The following ABL2 variants were observed in gnomAD, a reference collection of about 807,000 sequenced individuals.
The protein encoded by ABL2 is tyrosine-protein kinase ABL2.
In ABL2, 49 loss-of-function variants were observed where a neutral mutation model predicts 107.7. The observed-to-expected ratio is 0.45, with a 90% CI of 0.36 to 0.58. The LOEUF is 0.58. Ranked by LOEUF, ABL2 falls within the 20% of genes least tolerant of loss-of-function variation. ABL2 has a pLI of 0.00. For synonymous variants in ABL2, 549 were observed against 548.6 expected, an observed-to-expected ratio of 1.00 and a Z score of -0.01; for missense variants, 1,245 against 1,457.0, an observed-to-expected ratio of 0.85 and a Z score of 2.37.
chr1:179,183,338 C>T (rs1056656639), intron 1 of ABL2, among the ~76,000 whole-genome samples: 1 of 152,068 alleles, frequency 6.6e-6, no homozygotes, highest in Admixed American at 6.5e-5. Context: ...CAAAACTGTA[C>T]TTGTACCACT....
intron 1 of ABL2, among the ~76,000 whole-genome samples, chr1:179,140,104 C>A (rs1175558847): frequency 6.6e-6 from 1 of 152,212 alleles, no homozygotes; most frequent in Non-Finnish European, 1.5e-5. Flanking sequence ...GTTCAAGACT[C>A]TTCAAAGGTT....
At chr1:179,206,837 G>A (rs111922890) in intron 1 of ABL2, among the ~76,000 whole-genome samples, 67 of 152,250 alleles carry the variant, frequency 4.4e-4, no homozygotes, top group African/African-American at 1.4e-3. Flanking sequence ...GATAAATGCC[G>A]AAAGGATAGA....
intron 1 of ABL2, among the ~76,000 whole-genome samples, chr1:179,141,253 T>C (rs139246742): frequency 2.4e-4 from 37 of 151,986 alleles, no homozygotes; most frequent in Admixed American, 2.0e-4. Flanking sequence ...ATCACACCAT[T>C]GTACTCCAAT....
chr1:179,145,054 T>C (rs560947847), intron 1 of ABL2, among the ~76,000 whole-genome samples: 5 of 152,340 alleles, frequency 3.3e-5, no homozygotes, highest in African/African-American at 4.8e-5. Flanking sequence ...ATACATATAA[T>C]GAAGTATTAT....
chr1:179,148,026 C>A (rs1658119443), intron 1 of ABL2, among the ~76,000 whole-genome samples: 1 of 148,560 alleles, frequency 6.7e-6, no homozygotes, highest in African/African-American at 2.5e-5. Flanking sequence ...TCTATCAGCA[C>A]CACTTTTCTT....
chr1:179,164,874 G>A (rs905893144), intron 1 of ABL2, among the ~76,000 whole-genome samples: 3 of 152,096 alleles, frequency 2.0e-5, no homozygotes, highest in Non-Finnish European at 4.4e-5. Context: ...TGAAACCTTG[G>A]ATAGTACCAA....
intron 1 of ABL2, among the ~76,000 whole-genome samples, chr1:179,189,550 T>C (rs1369584092): frequency 6.6e-6 from 1 of 152,216 alleles, no homozygotes; most frequent in East Asian, 1.9e-4. Context: ...AGCAATCGTC[T>C]TGTCACTAGG....
chr1:179,204,953 C>CAG (rs1661870998), intron 1 of ABL2, among the ~76,000 whole-genome samples: 1 of 151,716 alleles, frequency 6.6e-6, no homozygotes, highest in African/African-American at 2.4e-5. Flanking sequence ...CGAAGGGGCT[C>CAG]AGAGTGCTGC....
intron 1 of ABL2, chr1:179,143,115 C>A (rs1472504601): frequency 6.4e-7 from 1 of 1,565,062 alleles, no homozygotes; most frequent in Non-Finnish European, 8.7e-7. Flanking sequence ...CATTCTCTGA[C>A]AAGCAATACC....
intron 1 of ABL2, 38 bp downstream of exon 1, chr1:179,229,192 CACCCCCGGCCT>C: frequency 1.4e-5 from 16 of 1,106,938 alleles, no homozygotes; most frequent in Non-Finnish European, 1.8e-5. Flanking sequence ...GCCCCGACCC[CACCCCCGGCCT>C]CCCCCACGCT....
chr1:179,114,100 C>T (rs1320438059), intron 9 of ABL2, among the ~76,000 whole-genome samples: 1 of 150,756 alleles, frequency 6.6e-6, no homozygotes, highest in Admixed American at 6.6e-5. Context: ...ACCAAAAATA[C>T]AAAAATTAGC....
chr1:179,117,256 G>T, intron 8 of ABL2, 76 bp downstream of exon 8: 1 of 1,424,932 alleles, frequency 7.0e-7, no homozygotes, highest in South Asian at 1.2e-5. Context: ...AACATCGTAA[G>T]AGAAGCTCTA....
At chr1:179,179,200 T>C (rs1211060364) in intron 1 of ABL2, among the ~76,000 whole-genome samples, 1 of 152,220 alleles carries the variant, frequency 6.6e-6, no homozygotes, top group Non-Finnish European at 1.5e-5. Context: ...AGTGCTCAGA[T>C]AATTCCTCCA....
chr1:179,154,090 T>C (rs1274561883), intron 1 of ABL2, among the ~76,000 whole-genome samples: 1 of 152,198 alleles, frequency 6.6e-6, no homozygotes, highest in Non-Finnish European at 1.5e-5. Flanking sequence ...TCCGTTCCTC[T>C]TCATTTGGTA....
In ABL2 at chr1:179,107,434, T is replaced by C. The variant is rs1053624451; in HGVS notation, c.*284A>G. On this transcript the variant is annotated 3_prime_UTR_variant, in exon 12 of 12. Transcript: ENST00000502732. The stretch of plus-strand genomic sequence containing the variant: ...GCATTCCAGGTAGGGATGGGCTGCA[T>C]TGCCTTCCTTATGACATACACATGT... 8 of 413,284 alleles carry C rather than the reference T, an allele frequency of 1.9e-5. No homozygotes were observed. The highest frequency in any genetic ancestry group is 7.9e-5 in the African/African-American group (4 of 50,404). The allele number at this position is 413,284 out of a possible 1,614,324, so 25.6% of individuals were successfully genotyped here.
At position 179,107,888 on chromosome 1, in the gene ABL2, T is replaced by C; in HGVS notation, c.3379A>G (p.Ile1127Val). 4 of 1,614,236 alleles carry C rather than the reference T, an allele frequency of 2.5e-6. No individual in the cohort carries two copies. The highest frequency in any genetic ancestry group is 2.2e-5 in the East Asian group (1 of 44,888). The change falls in exon 12 of 12, where the codon ATC becomes GTC. Residue 1127 changes from isoleucine to valine, a missense_variant. By Grantham distance (29) the Ile-to-Val change is conservative. This residue lies in a region of ABL2 where 761 missense variants were observed against 766.4 expected (regional missense o/e 0.99). Coordinates refer to ENST00000502732, the MANE Select transcript of ABL2 (RefSeq NM_007314.4). The stretch of plus-strand genomic sequence containing the variant: ...GCAAATTTGTTGCGAGTTTGAGGGA[T>C]GCAGTCCACATAGCCTGAGCAGTAG... ...LDYCSGYVDC[I>V]PQTRNKFAFR...
rs1655774014 is a variant in ABL2, at chr1:179,126,893, G to T, written c.392-221C>A. Among the ~76,000 whole-genome samples, 1 of 151,818 alleles carries T rather than the reference G, an allele frequency of 6.6e-6. No individual in the cohort carries two copies. The highest frequency in any genetic ancestry group is 2.4e-5 in the African/African-American group (1 of 41,290). ...AACCACAGAAGTATGGTCACAAATG[G>T]TTTTCTGGCATTTACTACAGGGTTT... On this transcript the variant is annotated intron_variant, in intron 3 of 11. Transcript: ENST00000502732. The surrounding 1 kb of genome is among the most constrained non-coding windows in gnomAD (Gnocchi z 4.4).
intron 1 of ABL2, among the ~76,000 whole-genome samples, chr1:179,212,381 A>C (rs762359024): frequency 6.6e-5 from 10 of 152,212 alleles, no homozygotes; most frequent in Non-Finnish European, 1.2e-4. Context: ...GGTGAACAAG[A>C]CCAAGTTCCT....
In ABL2 at chr1:179,223,954, T is replaced by C. The variant is rs1342237620; in HGVS notation, c.157+5287A>G. ...ACCACCATGGGCAACATGGCAAAAC[T>C]CTGTCTCTACAAAAAAAAAAAAAAA... On this transcript the variant is annotated intron_variant, in intron 1 of 11. Transcript: ENST00000502732. 1.6e-4 allele frequency among the ~76,000 whole-genome samples: 21 copies of C among 129,282 alleles called. No homozygotes were observed. In the East Asian group the frequency reaches 3.8e-3, roughly 23 times the overall value. The allele number at this position is 129,282 out of a possible 152,430, so 84.8% of individuals were successfully genotyped here. A position where few individuals can be genotyped will look rare whatever the true frequency, so the allele number is the denominator to read the frequency against.
Sources: gnomAD v4.1 joint callset for allele counts (sites outside exome capture counted in the v4.1 genomes callset) on GRCh38, gnomAD v4.1.1 for gene constraint, gnomAD v4.1.1 regional missense constraint, Gnocchi (gnomAD v3.1) non-coding constraint, MANE v1.5 for transcripts, NCBI Gene and HGNC (gene_info 2026-07-23, HGNC 2026-07-21) for gene names.